The following SNTB1 variants were observed in gnomAD, a reference collection of about 807,000 sequenced individuals.
SNTB1 encodes syntrophin beta 1, also known as beta-1-syntrophin.
A neutral mutation model predicts 48.9 loss-of-function variants in SNTB1; 36 were observed. That is an observed-to-expected ratio of 0.74 (90% CI 0.56 to 0.97). The LOEUF (loss-of-function observed/expected upper bound fraction) is 0.97. Among genes scored for constraint, SNTB1 ranks in the 50% least tolerant of loss-of-function variants. The pLI is 0.00. For missense variants in SNTB1, 786 were observed against 703.4 expected (o/e 1.12, Z -1.33); for synonymous variants, 299 against 294.6 (o/e 1.01, Z -0.15).
chr8:120,748,545 T>G (rs4389985), intron 1 of SNTB1, among the ~76,000 whole-genome samples: 19,758 of 152,128 alleles, frequency 0.13, 1,662 homozygotes, highest in African/African-American at 0.23. Flanking sequence ...ACAGGACCCA[T>G]AATACAGTAC....
At chr8:120,565,629 TG>T (rs1226762947) in intron 4 of SNTB1, among the ~76,000 whole-genome samples, 1 of 152,182 alleles carries the variant, frequency 6.6e-6, no homozygotes, top group Non-Finnish European at 1.5e-5. Flanking sequence ...TAGGAGCTGT[TG>T]ATCACTCTGT....
chr8:120,545,082 G>T (rs539198271), intron 5 of SNTB1, among the ~76,000 whole-genome samples: 6 of 152,144 alleles, frequency 3.9e-5, no homozygotes, highest in Non-Finnish European at 8.8e-5. Flanking sequence ...AGTGGCTCAT[G>T]CCTGTAATCC....
intron 3 of SNTB1, among the ~76,000 whole-genome samples, chr8:120,620,009 T>C (rs755397069): frequency 3.9e-5 from 6 of 152,166 alleles, no homozygotes; most frequent in Admixed American, 1.3e-4. Context: ...TTCTGAGCCA[T>C]TTGGTAAATC....
At chr8:120,628,869 T>C (rs767544346) in intron 3 of SNTB1, among the ~76,000 whole-genome samples, 2 of 152,044 alleles carry the variant, frequency 1.3e-5, no homozygotes, top group Non-Finnish European at 2.9e-5. Flanking sequence ...AGATTGTCCA[T>C]AATTGATAGC....
chr8:120,611,871 T>G (rs1816631462), intron 3 of SNTB1, among the ~76,000 whole-genome samples: 1 of 150,860 alleles, frequency 6.6e-6, no homozygotes, highest in Admixed American at 6.6e-5. Context: ...GTGGCAAATT[T>G]CCTTTGGGTT....
chr8:120,773,534 T>A (rs1387994508), intron 1 of SNTB1, among the ~76,000 whole-genome samples: 1 of 152,132 alleles, frequency 6.6e-6, no homozygotes, highest in Non-Finnish European at 1.5e-5. Context: ...TACACTGTGT[T>A]CCATGGTAGC....
At chr8:120,631,126 C>A (rs1338274283) in intron 3 of SNTB1, among the ~76,000 whole-genome samples, 1 of 152,134 alleles carries the variant, frequency 6.6e-6, no homozygotes, top group Admixed American at 6.5e-5. Context: ...CCTTGAGTAT[C>A]AGGCCTTTTC....
At chr8:120,608,598 G>C (rs1358519026) in intron 3 of SNTB1, among the ~76,000 whole-genome samples, 1 of 152,150 alleles carries the variant, frequency 6.6e-6, no homozygotes, top group Non-Finnish European at 1.5e-5. Flanking sequence ...TCAGCCTCCA[G>C]AACTGAGAAA....
At chr8:120,600,772 G>C (rs546745368) in intron 3 of SNTB1, among the ~76,000 whole-genome samples, 1 of 151,916 alleles carries the variant, frequency 6.6e-6, no homozygotes, top group East Asian at 1.9e-4. Flanking sequence ...GGGGAAACTG[G>C]GCTTAGTCCC....
intron 2 of SNTB1, among the ~76,000 whole-genome samples, chr8:120,638,630 C>T (rs1412472786): frequency 6.6e-6 from 1 of 152,062 alleles, no homozygotes; most frequent in African/African-American, 2.4e-5. Context: ...TTGTTCAATT[C>T]CCACCTATGA....
At chr8:120,646,370 A>G (rs1035028893) in intron 2 of SNTB1, among the ~76,000 whole-genome samples, 17 of 146,218 alleles carry the variant, frequency 1.2e-4, no homozygotes, top group South Asian at 9.2e-4. Context: ...AGTTTTTAGC[A>G]TGAAGGGTTG....
At chr8:120,797,546 CTTTTTTTTT>C (rs60374035) in intron 1 of SNTB1, among the ~76,000 whole-genome samples, 348 of 69,122 alleles carry the variant, frequency 5.0e-3, no homozygotes, top group Middle Eastern at 0.013. Flanking sequence ...ACTTGTTTCT[CTTTTTTTTT>C]TTTTTTTTTT....
At chr8:120,550,767 T>C (rs1320241906) in intron 4 of SNTB1, among the ~76,000 whole-genome samples, 1 of 152,090 alleles carries the variant, frequency 6.6e-6, no homozygotes, top group East Asian at 1.9e-4. Flanking sequence ...CAAGTGAGGC[T>C]AAAGAAAACA....
chr8:120,610,485 A>C (rs184454368), intron 3 of SNTB1, among the ~76,000 whole-genome samples: 45 of 152,228 alleles, frequency 3.0e-4, no homozygotes, highest in Admixed American at 1.8e-3. Flanking sequence ...CATCTTATAA[A>C]CCTGGAGGAT....
chr8:120,660,538 T>C lies in SNTB1; in HGVS notation c.789-27887A>G, dbSNP rs146383852. ...CTTTAGCTTAAGGAAATGTGGTGGT[T>C]GGTTTGATCTTTTATCCAGCACACT... is the stretch of plus-strand genomic sequence containing the variant. On this transcript the variant is annotated intron_variant, in intron 2 of 6. Transcript: ENST00000517992. Among the ~76,000 whole-genome samples the C allele has an allele frequency of 6.6e-3, 1,006 of 152,302 alleles. 12 individuals are homozygous for C. The Middle Eastern group carries it at 0.075, about 11-fold the overall frequency.
At chr8:120,715,992 T>A (rs1818549007) in intron 1 of SNTB1, among the ~76,000 whole-genome samples, 1 of 152,162 alleles carries the variant, frequency 6.6e-6, no homozygotes, top group Non-Finnish European at 1.5e-5. Context: ...CAGGTGCACA[T>A]CCTGAGTTCC....
intron 1 of SNTB1, among the ~76,000 whole-genome samples, chr8:120,742,432 A>G (rs1819055411): frequency 6.6e-6 from 1 of 152,204 alleles, no homozygotes; most frequent in South Asian, 2.1e-4. Context: ...AGCAACTGAA[A>G]GCATCACATT....
chr8:120,686,483 G>A (rs1410805919), intron 2 of SNTB1, among the ~76,000 whole-genome samples: 2 of 152,070 alleles, frequency 1.3e-5, no homozygotes, highest in African/African-American at 4.8e-5. Flanking sequence ...TTTTATAAAA[G>A]GGCACTAATC....
At chr8:120,591,143 G>A (rs1816234645) in intron 3 of SNTB1, among the ~76,000 whole-genome samples, 1 of 152,168 alleles carries the variant, frequency 6.6e-6, no homozygotes. Context: ...ATTCTCAGAT[G>A]CTTCCCTCCT....
Sources: gnomAD v4.1 joint callset for allele counts (sites outside exome capture counted in the v4.1 genomes callset) on GRCh38, gnomAD v4.1.1 for gene constraint, MANE v1.5 for transcripts, NCBI Gene and HGNC (gene_info 2026-07-23, HGNC 2026-07-21) for gene names.